The following SIK2 variants were observed in gnomAD, a reference collection of about 807,000 sequenced individuals.
SIK2 encodes salt inducible kinase 2, also known as serine/threonine-protein kinase SIK2.
In SIK2, 29 loss-of-function variants were observed where a neutral mutation model predicts 103.2. That is an observed-to-expected ratio of 0.28 (90% CI 0.21 to 0.38). SIK2 has a LOEUF of 0.38. SIK2 is among the 10% of genes least tolerant of loss of function. SIK2 has a pLI of 1.00. For missense variants in SIK2, 879 were observed against 1,171.0 expected, an observed-to-expected ratio of 0.75 and a Z score of 3.64; for synonymous variants, 412 against 446.1, an observed-to-expected ratio of 0.92 and a Z score of 0.96.
intron 4 of SIK2, among the ~76,000 whole-genome samples, chr11:111,695,391 C>T (rs1008133422): frequency 1.3e-5 from 2 of 151,998 alleles, no homozygotes; most frequent in Non-Finnish European, 2.9e-5. Flanking sequence ...GATTGGTTTT[C>T]AATGTTTTGT....
intron 3 of SIK2, chr11:111,671,271 C>A (rs1339587385): frequency 8.1e-6 from 2 of 246,954 alleles, no homozygotes; most frequent in South Asian, 5.4e-5. Flanking sequence ...AATTGATGTT[C>A]ATGAGCTCCT....
At chr11:111,671,297 C>A in intron 3 of SIK2, 2 of 246,642 alleles carry the variant, frequency 8.1e-6, no homozygotes. Flanking sequence ...TCATGCAGCT[C>A]CCACACCATG....
intron 3 of SIK2, among the ~76,000 whole-genome samples, chr11:111,639,024 T>C (rs2135854423): frequency 6.6e-6 from 1 of 152,282 alleles, no homozygotes; most frequent in Non-Finnish European, 1.5e-5. Context: ...TCAAGTTTTG[T>C]TAGTGTTGGG....
intron 3 of SIK2, among the ~76,000 whole-genome samples, chr11:111,642,834 C>G (rs1192464026): frequency 6.6e-6 from 1 of 152,154 alleles, no homozygotes; most frequent in Non-Finnish European, 1.5e-5. Flanking sequence ...GGGCTTGTTA[C>G]AAGTAACAAA....
intron 3 of SIK2, among the ~76,000 whole-genome samples, chr11:111,686,199 G>T (rs974288559): frequency 6.6e-6 from 1 of 152,178 alleles, no homozygotes; most frequent in Non-Finnish European, 1.5e-5. Flanking sequence ...CCAGCACTTT[G>T]GGAGGCCAAG....
intron 8 of SIK2, among the ~76,000 whole-genome samples, chr11:111,709,727 G>A (rs1246648600): frequency 6.6e-6 from 1 of 152,136 alleles, no homozygotes; most frequent in African/African-American, 2.4e-5. Flanking sequence ...TCCCCTCAGT[G>A]ATCACAAGAC....
chr11:111,725,561 A>AGAT lies in SIK2; in HGVS notation c.*1436_*1438dup, dbSNP rs1943938911. 6.5e-6 allele frequency: 1 copy of AGAT among 152,708 alleles called. No homozygotes were observed. The allele number at this position is 152,708 out of a possible 1,614,324, so 9.5% of individuals were successfully genotyped here. On this transcript the variant is annotated 3_prime_UTR_variant, in exon 15 of 15. Coordinates refer to ENST00000304987, the MANE Select transcript of SIK2 (RefSeq NM_015191.3). The stretch of plus-strand genomic sequence containing the variant: ...GTTACAAAGTCAGTGTTAATTCTAA[A>AGAT]GATGATCATTTCTGCCCTTTAGAAT...
Position 111,724,820 on chromosome 11 carries a change from G to T in SIK2, c.*691G>T, listed in dbSNP as rs1943918748. The T allele has an allele frequency of 6.6e-6, 1 of 152,396 alleles. No homozygotes were observed. Among genetic ancestry groups the T allele is most frequent in the Non-Finnish European group, 1.5e-5 (1 of 68,246 alleles). The allele number at this position is 152,396 out of a possible 1,614,324, so 9.4% of individuals were successfully genotyped here. A position where few individuals can be genotyped will look rare whatever the true frequency, so the allele number is the denominator to read the frequency against. The stretch of plus-strand genomic sequence containing the variant: ...TTCAGAAGGTGCCCTGGGTTGCCGA[G>T]TGTCAGAATATACTCAGGACTCCAG... On this transcript the variant is annotated 3_prime_UTR_variant, in exon 15 of 15. Transcript: ENST00000304987.
intron 2 of SIK2, among the ~76,000 whole-genome samples, chr11:111,617,808 C>T (rs200563512): frequency 6.6e-6 from 1 of 151,902 alleles, no homozygotes; most frequent in African/African-American, 2.4e-5. Flanking sequence ...TTTATATATA[C>T]GTCACCATAT....
intron 3 of SIK2, among the ~76,000 whole-genome samples, chr11:111,643,977 T>G (rs571061157): frequency 6.7e-6 from 1 of 149,354 alleles, no homozygotes; most frequent in South Asian, 2.1e-4. Context: ...AGTGGGACCC[T>G]ATCTCAAAAA....
chr11:111,716,890 A>G (rs946900853), intron 9 of SIK2, among the ~76,000 whole-genome samples: 5 of 152,206 alleles, frequency 3.3e-5, no homozygotes, highest in Non-Finnish European at 1.5e-5. Flanking sequence ...CCATCTGACA[A>G]AGGTCTAATA....
intron 3 of SIK2, among the ~76,000 whole-genome samples, chr11:111,626,685 G>C (rs1406084894): frequency 7.0e-6 from 1 of 142,412 alleles, no homozygotes; most frequent in African/African-American, 2.6e-5. Flanking sequence ...TATTTTCTGA[G>C]TTTTCTAGTA....
intron 10 of SIK2, 60 bp from the exon 11 acceptor site, chr11:111,720,418 C>A (rs1255884178): frequency 1.8e-5 from 27 of 1,485,398 alleles, no homozygotes; most frequent in Non-Finnish European, 2.4e-5. Context: ...ATGCTTTGTA[C>A]CCTATGTTCC....
intron 9 of SIK2, among the ~76,000 whole-genome samples, chr11:111,713,903 G>A (rs1943569811): frequency 6.6e-6 from 1 of 152,150 alleles, no homozygotes; most frequent in African/African-American, 2.4e-5. Context: ...GGAAGTGGAG[G>A]TTGCAGTGAG....
rs1943817311 is a variant in SIK2 at position 111,722,011 on chromosome 11, G to A, written c.2055+71G>A. On this transcript the variant is annotated intron_variant, in intron 13 of 14. Transcript: ENST00000304987. The surrounding 1 kb of genome is among the most constrained non-coding windows in gnomAD (Gnocchi z 4.4). Reference sequence around the variant, plus strand: ...ATCTGTTCTTCTGCAAAGCAGAAACGTGTTTTGCCTGGCATTTATTTAGGG... The same window carrying A: ...ATCTGTTCTTCTGCAAAGCAGAAACATGTTTTGCCTGGCATTTATTTAGGG... 6 of 1,216,856 alleles carry A rather than the reference G, an allele frequency of 4.9e-6. No individual in the cohort carries two copies. Among genetic ancestry groups the A allele is most frequent in the Admixed American group, 2.7e-5 (1 of 37,000 alleles). 75.4% of individuals were successfully genotyped at this position (1,216,856 alleles called of 1,614,324 possible). A position where few individuals can be genotyped will look rare whatever the true frequency, so the allele number is the denominator to read the frequency against.
At chr11:111,678,215 C>T (rs76633305) in intron 3 of SIK2, among the ~76,000 whole-genome samples, 15 of 152,098 alleles carry the variant, frequency 9.9e-5, no homozygotes, top group Non-Finnish European at 1.6e-4. Flanking sequence ...CTACAGTGGC[C>T]TCACCCAGAT....
chr11:111,711,121 AT>A (rs773337497), intron 8 of SIK2, among the ~76,000 whole-genome samples: 1,508 of 143,688 alleles, frequency 0.01, 7 homozygotes, highest in Middle Eastern at 0.022. Context: ...CTTTTAAATG[AT>A]TTTTTTTTTT....
intron 3 of SIK2, among the ~76,000 whole-genome samples, chr11:111,660,838 GCTTT>G (rs1565338322): frequency 1.2e-5 from 1 of 82,586 alleles, no homozygotes; most frequent in Non-Finnish European, 2.4e-5. Context: ...TGTGAAGTTG[GCTTT>G]TTTTTTTTTT....
In SIK2 at chr11:111,688,243, G is replaced by A. The variant is rs1942873290; in HGVS notation, c.478+81G>A. The stretch of plus-strand genomic sequence containing the variant: ...GTGTGGAAACAGACCTGCAGGCGCA[G>A]ATTCAGCAGCATTTCTACCTGATGA... On this transcript the variant is annotated intron_variant, in intron 4 of 14. Coordinates refer to ENST00000304987, the MANE Select transcript of SIK2 (RefSeq NM_015191.3). This position sits in a 1 kb window ranked among gnomAD's most constrained non-coding sequence, Gnocchi z 4.2. 12 of 1,411,794 alleles carry A rather than the reference G, an allele frequency of 8.5e-6. No homozygotes were observed. The highest frequency in any genetic ancestry group is 7.9e-6 in the Non-Finnish European group (8 of 1,008,328). The allele number at this position is 1,411,794 out of a possible 1,614,324, so 87.5% of individuals were successfully genotyped here. A position where few individuals can be genotyped will look rare whatever the true frequency, so the allele number is the denominator to read the frequency against.
Sources: allele counts gnomAD v4.1 joint callset (sites outside exome capture counted in the v4.1 genomes callset), GRCh38; gene constraint gnomAD v4.1.1; non-coding constraint Gnocchi (gnomAD v3.1); transcripts MANE v1.5; gene names NCBI Gene and HGNC (gene_info 2026-07-23, HGNC 2026-07-21).